PRKCE: variants seen among roughly 807,000 people sequenced by gnomAD.
The protein encoded by PRKCE is protein kinase C epsilon type.
Under a neutral mutation model 85.4 loss-of-function variants are expected in PRKCE, and 16 were observed. The observed-to-expected ratio is 0.19, with a 90% CI of 0.13 to 0.28. The LOEUF (loss-of-function observed/expected upper bound fraction) is 0.28, where lower values mean the gene tolerates loss of function less well. Among genes scored for constraint, PRKCE ranks in the 10% least tolerant of loss-of-function variants. The pLI, the probability that PRKCE is intolerant of heterozygous loss-of-function variation, is 1.00. For synonymous variants in PRKCE, 388 were observed against 371.5 expected (o/e 1.04, Z -0.51); for missense variants, 573 against 975.2 (o/e 0.59, Z 5.49).
At chr2:45,713,078 C>T (rs1373540223) in intron 1 of PRKCE, among the ~76,000 whole-genome samples, 2 of 152,194 alleles carry the variant, frequency 1.3e-5, no homozygotes, top group Non-Finnish European at 2.9e-5. Flanking sequence ...ACTTGCAGTG[C>T]TGTCCTCCAT....
At chr2:45,995,502 C>A (rs925710628) in intron 6 of PRKCE, among the ~76,000 whole-genome samples, 3 of 152,174 alleles carry the variant, frequency 2.0e-5, no homozygotes, top group African/African-American at 7.2e-5. Flanking sequence ...TTTAGGTCTA[C>A]AGTCCATTTT....
rs1475589002 is a variant in PRKCE, at chr2:45,827,774, TA to T, written c.349-15221del. 3.9e-5 allele frequency among the ~76,000 whole-genome samples: 6 copies of T among 152,220 alleles called. No individual in the cohort carries two copies. In the East Asian group the frequency reaches 1.2e-3, roughly 29 times the overall value. ...GTTTTGATATAAAATCTAAAAGTCTTAAAAATTTGATTTATACCTTCAAAAT... is the reference window on the plus strand; with the variant it reads ...GTTTTGATATAAAATCTAAAAGTCTTAAAATTTGATTTATACCTTCAAAAT... On this transcript the variant is annotated intron_variant, in intron 1 of 14. Transcript: ENST00000306156.
intron 1 of PRKCE, among the ~76,000 whole-genome samples, chr2:45,658,520 C>T (rs1675487720): frequency 6.6e-6 from 1 of 152,244 alleles, no homozygotes; most frequent in Non-Finnish European, 1.5e-5. Context: ...AACTGGAAGG[C>T]ATCTCCACCA....
chr2:46,001,440 A>G lies in PRKCE; in HGVS notation c.860A>G (p.Asn287Ser). Residue 287 changes from asparagine to serine, a missense_variant, in exon 7 of 15, where the codon AAC (asparagine) becomes AGC (serine). Physicochemically the swap from Asn to Ser is conservative, Grantham distance 46. This residue lies in a region of PRKCE where 55 missense variants were observed against 128.1 expected (regional missense o/e 0.43). Coordinates refer to ENST00000306156, the MANE Select transcript of PRKCE (RefSeq NM_005400.3). This position sits in a 1 kb window ranked among gnomAD's most constrained non-coding sequence, Gnocchi z 4.4. ...KMNVHRRCET[N>S]VAPNCGVDAR... The stretch of plus-strand genomic sequence containing the variant: ...AATGTTCACCGTCGATGTGAGACCA[A>G]CGTGGCTCCCAACTGTGGAGTGGAT... 1.9e-6 allele frequency: 3 copies of G among 1,599,496 alleles called. No homozygotes were observed. The highest frequency in any genetic ancestry group is 2.2e-5 in the East Asian group (1 of 44,868).
At position 46,169,693 on chromosome 2, in the gene PRKCE, C is replaced by A. The variant is rs370294713; in HGVS notation, c.2067+9941C>A. Among the ~76,000 whole-genome samples, 6 of 152,210 alleles carry A rather than the reference C, an allele frequency of 3.9e-5. No individual in the cohort carries two copies. The South Asian group carries it at 6.2e-4, about 16-fold the overall frequency. Reference sequence around the variant, plus strand: ...AGGACTTTAGCCGCACTCCGTCCCCCCTAGCGCAGCAGCTGACATATCAGC... The same window carrying A: ...AGGACTTTAGCCGCACTCCGTCCCCACTAGCGCAGCAGCTGACATATCAGC... On this transcript the variant is annotated intron_variant, in intron 14 of 14. Transcript: ENST00000306156.
intron 1 of PRKCE, among the ~76,000 whole-genome samples, chr2:45,750,579 T>C (rs1485314331): frequency 1.3e-5 from 2 of 152,236 alleles, no homozygotes; most frequent in Non-Finnish European, 2.9e-5. Context: ...TCTGAGTCTG[T>C]CAAGGTTGTT....
intron 1 of PRKCE, chr2:45,685,735 A>T (rs183068126): frequency 6.6e-6 from 1 of 152,402 alleles, no homozygotes; most frequent in Admixed American, 6.5e-5. Flanking sequence ...GGTATAGGAC[A>T]GCTTTTAAGG....
At chr2:46,121,495 C>T (rs775839304) in intron 11 of PRKCE, among the ~76,000 whole-genome samples, 13 of 152,202 alleles carry the variant, frequency 8.5e-5, no homozygotes, top group Non-Finnish European at 1.8e-4. Flanking sequence ...GTACCTGCAA[C>T]TCCCTGCCCA....
intron 2 of PRKCE, among the ~76,000 whole-genome samples, chr2:45,963,136 GA>G (rs1473594426): frequency 6.6e-6 from 1 of 152,066 alleles, no homozygotes; most frequent in Non-Finnish European, 1.5e-5. Context: ...TGGGTCGATA[GA>G]AGGGAGGATG....
intron 11 of PRKCE, among the ~76,000 whole-genome samples, chr2:46,123,955 C>T (rs1048737905): frequency 6.6e-6 from 1 of 152,184 alleles, no homozygotes; most frequent in African/African-American, 2.4e-5. Context: ...TGCTGAGTGC[C>T]AGCAGTTGGC....
At chr2:46,106,379 A>T (rs148767299) in intron 11 of PRKCE, among the ~76,000 whole-genome samples, 1 of 152,216 alleles carries the variant, frequency 6.6e-6, no homozygotes, top group Non-Finnish European at 1.5e-5. Flanking sequence ...GTTCATTCCC[A>T]GTATATATGC....
rs1697840091 is a variant in PRKCE at position 45,917,011 on chromosome 2, A to G, written c.413-59418A>G. ...AGCAGCAGCAGGATTTATTGCAAAGAGTGAAAGAACAAACCTTCCACAGTG... is the reference window on the plus strand; with the variant it reads ...AGCAGCAGCAGGATTTATTGCAAAGGGTGAAAGAACAAACCTTCCACAGTG... On this transcript the variant is annotated intron_variant, in intron 2 of 14. Transcript: ENST00000306156. Among the ~76,000 whole-genome samples the G allele has an allele frequency of 2.6e-5, 4 of 152,222 alleles. 1 individual carries two copies. In the South Asian group the frequency reaches 8.3e-4, roughly 32 times the overall value.
chr2:45,922,879 T>A (rs1461540872), intron 2 of PRKCE, among the ~76,000 whole-genome samples: 1 of 152,184 alleles, frequency 6.6e-6, no homozygotes, highest in Non-Finnish European at 1.5e-5. Flanking sequence ...TTATGTTAAA[T>A]CCCTGTAACT....
chr2:46,172,478 GGCCTGGGCGGGCCTGGGCGT>G (rs933856413), intron 14 of PRKCE, among the ~76,000 whole-genome samples: 6 of 144,116 alleles, frequency 4.2e-5, no homozygotes, highest in Admixed American at 2.7e-4. Context: ...GGCCTGGGCA[GGCCTGGGCGGGCCTGGGCGT>G]GCCTGGGCGG....
chr2:45,702,698 C>A (rs926184956), intron 1 of PRKCE, among the ~76,000 whole-genome samples: 1 of 151,670 alleles, frequency 6.6e-6, no homozygotes, highest in Non-Finnish European at 1.5e-5. Flanking sequence ...TTTTTTCCCC[C>A]AAAATAAAGC....
At chr2:45,939,680 A>C (rs951985491) in intron 2 of PRKCE, among the ~76,000 whole-genome samples, 21 of 151,816 alleles carry the variant, frequency 1.4e-4, no homozygotes, top group African/African-American at 4.8e-4. Context: ...TCAGCCTCCT[A>C]AGTAGCTGGG....
At chr2:46,088,957 A>G (rs1398202945) in intron 11 of PRKCE, among the ~76,000 whole-genome samples, 1 of 152,152 alleles carries the variant, frequency 6.6e-6, no homozygotes, top group East Asian at 1.9e-4. Context: ...GTCCAACTCT[A>G]AACTCCTTCA....
intron 1 of PRKCE, among the ~76,000 whole-genome samples, chr2:45,839,270 T>G (rs1204355438): frequency 6.6e-6 from 1 of 152,116 alleles, no homozygotes; most frequent in Non-Finnish European, 1.5e-5. Context: ...GTCACTCAGC[T>G]GATAAAGGAC....
intron 2 of PRKCE, among the ~76,000 whole-genome samples, chr2:45,946,841 C>G (rs923445127): frequency 1.3e-5 from 2 of 152,234 alleles, no homozygotes; most frequent in African/African-American, 4.8e-5. Flanking sequence ...TTAGCTATCA[C>G]TCCGCCTTAG....
Sources: gnomAD v4.1 joint callset for allele counts (sites outside exome capture counted in the v4.1 genomes callset) on GRCh38, gnomAD v4.1.1 for gene constraint, gnomAD v4.1.1 regional missense constraint, Gnocchi (gnomAD v3.1) non-coding constraint, MANE v1.5 for transcripts, NCBI Gene and HGNC (gene_info 2026-07-23, HGNC 2026-07-21) for gene names.